The following ETS1 variants were observed in gnomAD, a reference collection of about 807,000 sequenced individuals.
The protein encoded by ETS1 is protein C-ets-1.
In ETS1, 15 loss-of-function variants were observed where a neutral mutation model predicts 58.6. That is an observed-to-expected ratio of 0.26 (90% CI 0.17 to 0.39). The LOEUF (loss-of-function observed/expected upper bound fraction) is 0.39. ETS1 is among the 10% of genes least tolerant of loss of function. The pLI, the probability that ETS1 is intolerant of heterozygous loss-of-function variation, is 1.00. For synonymous variants in ETS1, 214 were observed against 218.2 expected (o/e 0.98, Z 0.17); for missense variants, 417 against 610.5 (o/e 0.68, Z 3.34).
intron 3 of ETS1, among the ~76,000 whole-genome samples, chr11:128,492,233 TC>T (rs148450229): frequency 1.1e-4 from 17 of 152,174 alleles, no homozygotes; most frequent in Admixed American, 1.3e-4. Context: ...TAAAAAATAT[TC>T]CCCGGACACA....
At chr11:128,473,584 T>C (rs1862244323) in intron 8 of ETS1, among the ~76,000 whole-genome samples, 2 of 152,130 alleles carry the variant, frequency 1.3e-5, no homozygotes, top group African/African-American at 4.8e-5. Context: ...TTGCCCTTGG[T>C]AAAACTGCAT....
intron 2 of ETS1, among the ~76,000 whole-genome samples, chr11:128,570,527 C>CTGGG (rs1864606440): frequency 1.3e-5 from 2 of 152,152 alleles, no homozygotes; most frequent in Non-Finnish European, 2.9e-5. Context: ...CAGGTGTGAG[C>CTGGG]CACTGAGCCC....
intron 2 of ETS1, among the ~76,000 whole-genome samples, chr11:128,568,211 C>A (rs570634414): frequency 6.6e-6 from 1 of 152,244 alleles, no homozygotes; most frequent in South Asian, 2.1e-4. Flanking sequence ...CCAAAGGGGT[C>A]ACTAGTCCCC....
rs753726341 is a variant in ETS1 at position 128,480,323 on chromosome 11, C to T, written c.991G>A (p.Asp331Asn). 3 of 1,613,906 alleles carry T rather than the reference C, an allele frequency of 1.9e-6. No homozygotes were observed. The highest frequency in any genetic ancestry group is 1.3e-5 in the African/African-American group (1 of 74,868). ...LQRVPSYDSF[D>N]SEDYPAALPN... Reference sequence around the variant, plus strand: ...AGGGCAGCCGGATAGTCCTCTGAGTCGAAGCTGTCATAGGAGGGAACACGC... The same window carrying T: ...AGGGCAGCCGGATAGTCCTCTGAGTTGAAGCTGTCATAGGAGGGAACACGC... The change falls in exon 8 of 10, where the codon GAC (aspartate) becomes AAC (asparagine). Residue 331 changes from aspartate (D) to asparagine (N), a missense_variant. By Grantham distance (23) the Asp-to-Asn change is conservative (BLOSUM62 1). Around this residue, in one of 4 missense-constraint regions of ETS1, gnomAD observed 139 missense variants for 152.1 expected, o/e 0.91. Transcript: ENST00000392668.
chr11:128,466,360 T>C (rs1862035518), intron 8 of ETS1, among the ~76,000 whole-genome samples: 1 of 152,150 alleles, frequency 6.6e-6, no homozygotes, highest in Non-Finnish European at 1.5e-5. Flanking sequence ...GATGAGTCTT[T>C]GGCAGGGAGC....
chr11:128,491,471 T>G (rs531906809), intron 3 of ETS1, among the ~76,000 whole-genome samples: 1 of 152,352 alleles, frequency 6.6e-6, no homozygotes, highest in South Asian at 2.1e-4. Context: ...AAGGCCTCCC[T>G]TAGAAGATGA....
intron 2 of ETS1, among the ~76,000 whole-genome samples, chr11:128,565,067 G>T (rs2135567811): frequency 2.1e-5 from 1 of 48,740 alleles, no homozygotes; most frequent in South Asian, 5.1e-4. Context: ...TAAAATAAAT[G>T]TGTTTGTAAG....
intron 3 of ETS1, among the ~76,000 whole-genome samples, chr11:128,543,558 C>T (rs1864087408): frequency 6.6e-6 from 1 of 152,210 alleles, no homozygotes; most frequent in Non-Finnish European, 1.5e-5. Context: ...GTTTTCATAT[C>T]AGCATGCCCA....
At chr11:128,581,637 A>C (rs1198572358) in intron 1 of ETS1, among the ~76,000 whole-genome samples, 1 of 152,218 alleles carries the variant, frequency 6.6e-6, no homozygotes, top group African/African-American at 2.4e-5. Context: ...GAGGCCATGG[A>C]ATAAGAGATT....
At position 128,549,910 on chromosome 11, in the gene ETS1, T is replaced by G. The variant is rs1229729168; in HGVS notation, c.214+6381A>C. The stretch of plus-strand genomic sequence containing the variant: ...ACATTAGCCTTGAGCAAGATAAGAG[T>G]GGGCAGGACTCAGATGTGAGTGGGC... On this transcript the variant is annotated intron_variant, in intron 3 of 9. Coordinates refer to ENST00000392668, the MANE Select transcript of ETS1 (RefSeq NM_001143820.2). This position sits in a 1 kb window ranked among gnomAD's most constrained non-coding sequence, Gnocchi z 4.3. 4.0e-5 allele frequency among the ~76,000 whole-genome samples: 6 copies of G among 151,892 alleles called. No homozygotes were observed. Among genetic ancestry groups the G allele is most frequent in the Non-Finnish European group, 8.8e-5 (6 of 67,970 alleles).
intron 8 of ETS1, among the ~76,000 whole-genome samples, chr11:128,477,698 T>C (rs913216535): frequency 6.6e-6 from 1 of 152,130 alleles, no homozygotes; most frequent in Non-Finnish European, 1.5e-5. Context: ...ACCACAACAA[T>C]AGGAGAATCC....
chr11:128,468,304 T>A (rs1423062417), intron 8 of ETS1, among the ~76,000 whole-genome samples: 1 of 152,218 alleles, frequency 6.6e-6, no homozygotes, highest in African/African-American at 2.4e-5. Flanking sequence ...AATGAGGAGC[T>A]GGTTATTAAA....
intron 3 of ETS1, among the ~76,000 whole-genome samples, chr11:128,546,286 G>A (rs1864131592): frequency 6.6e-6 from 1 of 152,228 alleles, no homozygotes; most frequent in African/African-American, 2.4e-5. Flanking sequence ...GATCAGAAAT[G>A]AGGGCTAAGA....
At chr11:128,559,565 G>C (rs750143235) in intron 2 of ETS1, among the ~76,000 whole-genome samples, 102 of 152,124 alleles carry the variant, frequency 6.7e-4, no homozygotes, top group Non-Finnish European at 3.5e-4. Context: ...GGAGCCACTG[G>C]ATCCTATTTT....
rs1369849206 is a variant in ETS1, at chr11:128,585,189, GGAAGGAAAGAAAGAAA to G, written c.-15+2283_-15+2298del. Among the ~76,000 whole-genome samples, 80 of 12,200 alleles carry G rather than the reference GGAAGGAAAGAAAGAAA, an allele frequency of 6.6e-3. 3 individuals carry two copies. Among genetic ancestry groups the G allele is most frequent in the Middle Eastern group, 0.05 (1 of 20 alleles). The allele number at this position is 12,200 out of a possible 152,430, so 8.0% of individuals were successfully genotyped here. On this transcript the variant is annotated intron_variant, in intron 1 of 9. Coordinates refer to ENST00000392668, the MANE Select transcript of ETS1 (RefSeq NM_001143820.2). The stretch of plus-strand genomic sequence containing the variant: ...GAAAGAGAAAGAAAGAAAGAAAGAA[GGAAGGAAAGAAAGAAA>G]GAAAGAAAGAAAGAAAGAAAGAAAG...
At position 128,515,502 on chromosome 11, in the gene ETS1, G is replaced by A. The variant is rs932361703; in HGVS notation, c.215-24926C>T. On this transcript the variant is annotated intron_variant, in intron 3 of 9. Coordinates refer to ENST00000392668, the MANE Select transcript of ETS1 (RefSeq NM_001143820.2). The stretch of plus-strand genomic sequence containing the variant: ...CTTAAAGGGCTTCAAACTCTTAATC[G>A]TGCCTTATTAGCTTACTTAGATGGT... Among the ~76,000 whole-genome samples the A allele has an allele frequency of 3.3e-4, 50 of 152,102 alleles. 1 individual carries two copies. The highest frequency in any genetic ancestry group is 8.9e-4 in the African/African-American group (37 of 41,384).
chr11:128,573,018 G>A, intron 2 of ETS1, 44 bp downstream of exon 2: 1 of 1,506,220 alleles, frequency 6.6e-7, no homozygotes, highest in Non-Finnish European at 9.1e-7. Flanking sequence ...GAGGAGGGGA[G>A]AAGATTGTGT....
intron 3 of ETS1, among the ~76,000 whole-genome samples, chr11:128,542,665 G>T (rs1241807536): frequency 3.9e-5 from 6 of 152,088 alleles, no homozygotes; most frequent in Non-Finnish European, 5.9e-5. Flanking sequence ...AAACAAGAGA[G>T]AAGATAAAGA....
At chr11:128,567,031 A>C (rs1864517835) in intron 2 of ETS1, among the ~76,000 whole-genome samples, 1 of 152,244 alleles carries the variant, frequency 6.6e-6, no homozygotes. Context: ...TCGATCAATC[A>C]ATTACGGAAG....
Sources: allele counts gnomAD v4.1 joint callset (sites outside exome capture counted in the v4.1 genomes callset), GRCh38; gene constraint gnomAD v4.1.1; regional missense constraint gnomAD v4.1.1; non-coding constraint Gnocchi (gnomAD v3.1); transcripts MANE v1.5; gene names NCBI Gene and HGNC (gene_info 2026-07-23, HGNC 2026-07-21).